Variants in NOVA1 observed in about 807,000 individuals in gnomAD.
The protein encoded by NOVA1 is RNA-binding protein Nova-1.
NOVA1 carries 7 observed loss-of-function variants against 38.0 expected under a neutral mutation model. The observed-to-expected ratio is 0.18, with a 90% CI of 0.10 to 0.35. The LOEUF (loss-of-function observed/expected upper bound fraction) is 0.35, where lower values mean the gene tolerates loss of function less well. Among genes scored for constraint, NOVA1 ranks in the 10% least tolerant of loss-of-function variants. The pLI, the probability that NOVA1 is intolerant of heterozygous loss-of-function variation, is 1.00. For synonymous variants in NOVA1, 270 were observed against 232.5 expected (o/e 1.16, Z -1.47); for missense variants, 460 against 616.0 (o/e 0.75, Z 2.68).
chr14:26,458,205 G>A (rs1374555746), intron 4 of NOVA1, among the ~76,000 whole-genome samples: 1 of 151,940 alleles, frequency 6.6e-6, no homozygotes, highest in Non-Finnish European at 1.5e-5. Context: ...CAGAGAAAAG[G>A]GAACATTTAT....
intron 2 of NOVA1, among the ~76,000 whole-genome samples, chr14:26,534,856 A>G (rs1257547026): frequency 6.6e-6 from 1 of 152,150 alleles, no homozygotes; most frequent in Non-Finnish European, 1.5e-5. Context: ...AAGCAAAAGG[A>G]TGGAGTGATT....
rs1191506947 is a variant in NOVA1, at chr14:26,564,506, T to C, written c.280+30904A>G. ...TGCTGGAGTTCATGTGGATACTAAG[T>C]GGCAGAAGGCTCCAGAAACTGAGTT... On this transcript the variant is annotated intron_variant, in intron 2 of 4. Transcript: ENST00000539517. 2.0e-5 allele frequency among the ~76,000 whole-genome samples: 3 copies of C among 152,172 alleles called. No individual in the cohort carries two copies. In the East Asian group the frequency reaches 5.8e-4, roughly 29 times the overall value.
At chr14:26,481,618 T>C (rs1402476653) in intron 2 of NOVA1, among the ~76,000 whole-genome samples, 2 of 152,118 alleles carry the variant, frequency 1.3e-5, no homozygotes, top group Non-Finnish European at 2.9e-5. Flanking sequence ...AACATTTCAA[T>C]AGACCATGTA....
intron 4 of NOVA1, among the ~76,000 whole-genome samples, chr14:26,470,856 A>G (rs1884532715): frequency 1.3e-5 from 2 of 152,088 alleles, no homozygotes; most frequent in Admixed American, 1.3e-4. Context: ...TCACGTTTAC[A>G]TTTGGAAAAG....
At chr14:26,557,456 G>A (rs1361132470) in intron 2 of NOVA1, among the ~76,000 whole-genome samples, 1 of 151,924 alleles carries the variant, frequency 6.6e-6, no homozygotes, top group Non-Finnish European at 1.5e-5. Context: ...CATCCTCCCG[G>A]TCACAAGCAA....
intron 2 of NOVA1, among the ~76,000 whole-genome samples, chr14:26,543,990 T>A (rs974930512): frequency 7.2e-5 from 11 of 151,948 alleles, no homozygotes; most frequent in Admixed American, 6.6e-5. Context: ...TAGTCTATGA[T>A]CTAGAATATA....
At chr14:26,522,637 T>C (rs1268234528) in intron 2 of NOVA1, among the ~76,000 whole-genome samples, 1 of 152,112 alleles carries the variant, frequency 6.6e-6, no homozygotes, top group Non-Finnish European at 1.5e-5. Context: ...TACATTGCAA[T>C]AGGCTTTATT....
chr14:26,536,380 A>C (rs1890100509), intron 2 of NOVA1, among the ~76,000 whole-genome samples: 2 of 152,194 alleles, frequency 1.3e-5, no homozygotes, highest in Admixed American at 1.3e-4. Context: ...TATTTGTAAC[A>C]CAAAGGATAA....
chr14:26,498,030 T>A (rs897378040), intron 2 of NOVA1, among the ~76,000 whole-genome samples: 17 of 152,304 alleles, frequency 1.1e-4, no homozygotes, highest in African/African-American at 3.8e-4. Context: ...AAATACATGA[T>A]GTTGAATAAA....
chr14:26,594,199 G>C (rs567740749), intron 2 of NOVA1: 1 of 151,960 alleles, frequency 6.6e-6, no homozygotes, highest in East Asian at 1.9e-4. Context: ...TTACTTTTTA[G>C]TTTAATAAGT....
intron 2 of NOVA1, among the ~76,000 whole-genome samples, chr14:26,505,974 A>G (rs1305696032): frequency 6.6e-6 from 1 of 152,172 alleles, no homozygotes; most frequent in African/African-American, 2.4e-5. Context: ...AAACCTTAAA[A>G]ATGATACATT....
chr14:26,537,561 A>G (rs1015030432), intron 2 of NOVA1, among the ~76,000 whole-genome samples: 13 of 152,178 alleles, frequency 8.5e-5, no homozygotes, highest in Admixed American at 2.0e-4. Flanking sequence ...GGGAAAGAAC[A>G]CAAGTATAAG....
chr14:26,517,030 C>T (rs1229443387), intron 2 of NOVA1, among the ~76,000 whole-genome samples: 5 of 151,606 alleles, frequency 3.3e-5, no homozygotes, highest in East Asian at 3.9e-4. Flanking sequence ...CTCAGCCTTC[C>T]GAGTAGCTGG....
chr14:26,503,285 A>C (rs2138416347), intron 2 of NOVA1, among the ~76,000 whole-genome samples: 1 of 152,154 alleles, frequency 6.6e-6, no homozygotes, highest in South Asian at 2.1e-4. Context: ...AATTTCACTG[A>C]ATCTCACGCA....
At chr14:26,524,279 A>G (rs1332746987) in intron 2 of NOVA1, among the ~76,000 whole-genome samples, 1 of 152,150 alleles carries the variant, frequency 6.6e-6, no homozygotes, top group Non-Finnish European at 1.5e-5. Context: ...TGCGGGATCA[A>G]ATATCTTTGG....
chr14:26,508,003 A>G (rs1160924460), intron 2 of NOVA1, among the ~76,000 whole-genome samples: 1 of 152,096 alleles, frequency 6.6e-6, no homozygotes, highest in Non-Finnish European at 1.5e-5. Context: ...AAAAGCTTCT[A>G]GTAAAAAAAG....
At chr14:26,514,730 T>C (rs1247107899) in intron 2 of NOVA1, among the ~76,000 whole-genome samples, 1 of 151,874 alleles carries the variant, frequency 6.6e-6, no homozygotes, top group Non-Finnish European at 1.5e-5. Context: ...ATTTATTTCA[T>C]TTTTTCTTCA....
intron 2 of NOVA1, among the ~76,000 whole-genome samples, chr14:26,580,852 T>C (rs1277730643): frequency 6.6e-6 from 1 of 152,078 alleles, no homozygotes; most frequent in Non-Finnish European, 1.5e-5. Flanking sequence ...CTTATATAAA[T>C]GTTGTCCTTT....
At chr14:26,520,038 G>C (rs555679928) in intron 2 of NOVA1, among the ~76,000 whole-genome samples, 2 of 152,270 alleles carry the variant, frequency 1.3e-5, no homozygotes, top group East Asian at 3.9e-4. Flanking sequence ...GGGAAATACA[G>C]GGTTAGGTCC....
Sources: gnomAD v4.1 joint callset for allele counts (sites outside exome capture counted in the v4.1 genomes callset) on GRCh38, gnomAD v4.1.1 for gene constraint, MANE v1.5 for transcripts, NCBI Gene and HGNC (gene_info 2026-07-23, HGNC 2026-07-21) for gene names.